PSPC1: variants seen among roughly 807,000 people sequenced by gnomAD.
PSPC1 encodes the protein paraspeckle protein 1.
In PSPC1, 14 loss-of-function variants were observed where a neutral mutation model predicts 51.6. The ratio of observed to expected loss-of-function variants is 0.27; its 90% CI spans 0.18 to 0.42. PSPC1 has a LOEUF of 0.42. Ranked by LOEUF, PSPC1 falls within the 10% of genes least tolerant of loss-of-function variation. The probability of loss-of-function intolerance (pLI) is 1.00; values close to 1 mark genes in which losing one functional copy is unlikely to be tolerated. For synonymous variants in PSPC1, 193 were observed against 231.9 expected, an observed-to-expected ratio of 0.83 and a Z score of 1.53; for missense variants, 406 against 701.1, an observed-to-expected ratio of 0.58 and a Z score of 4.75.
intron 4 of PSPC1, among the ~76,000 whole-genome samples, chr13:19,745,274 A>G (rs1479376352): frequency 3.3e-5 from 5 of 152,212 alleles, no homozygotes; most frequent in Non-Finnish European, 7.3e-5. Context: ...AGCAGAGATT[A>G]TGCCAACGCA....
intron 6 of PSPC1, among the ~76,000 whole-genome samples, chr13:19,695,876 G>A (rs1461280005): frequency 6.6e-6 from 1 of 151,654 alleles, no homozygotes; most frequent in Non-Finnish European, 1.5e-5. Flanking sequence ...GAAAAAGTCT[G>A]GTATCAACAT....
At chr13:19,772,610 C>T in intron 1 of PSPC1, 67 bp from the exon 2 acceptor site, 1 of 1,466,582 alleles carries the variant, frequency 6.8e-7, no homozygotes, top group Admixed American at 2.2e-5. Flanking sequence ...CAGTGTTTGG[C>T]TTCTAGGGAG....
At chr13:19,672,828 G>C (rs1274550328), downstream of PSPC1, 1 of 301,140 alleles carries the variant, frequency 3.3e-6, no homozygotes, top group Non-Finnish European at 6.6e-6. Flanking sequence ...AGCAGAGCGT[G>C]GTGGCTCACA....
intron 2 of PSPC1, among the ~76,000 whole-genome samples, chr13:19,767,731 G>A (rs1170791271): frequency 1.3e-5 from 2 of 151,906 alleles, no homozygotes; most frequent in African/African-American, 2.4e-5. Flanking sequence ...CGGTAACAAG[G>A]ATTTTTACGT....
chr13:19,750,483 C>A (rs545216198), intron 4 of PSPC1, among the ~76,000 whole-genome samples: 2 of 151,346 alleles, frequency 1.3e-5, no homozygotes, highest in African/African-American at 4.8e-5. Context: ...TATACACTTA[C>A]CAATTACTAA....
chr13:19,723,779 T>C (rs1883051659), intron 6 of PSPC1, among the ~76,000 whole-genome samples: 1 of 152,250 alleles, frequency 6.6e-6, no homozygotes, highest in South Asian at 2.1e-4. Context: ...TTATGTACCG[T>C]GCCAAATATT....
exon 8 of PSPC1, chr13:19,674,955 C>T (rs879714282): frequency 2.6e-5 from 4 of 152,112 alleles, no homozygotes; most frequent in Non-Finnish European, 4.4e-5. Flanking sequence ...CTTCCAGGTT[C>T]GGAAAAGCCT....
chr13:19,782,911 A>C lies in PSPC1; in HGVS notation c.-154T>G. The C allele has an allele frequency of 1.3e-6, 1 of 758,570 alleles. No individual in the cohort carries two copies. The highest frequency in any genetic ancestry group is 3.5e-5 in the Admixed American group (1 of 28,712). 47.0% of individuals were successfully genotyped at this position (758,570 alleles called of 1,614,324 possible). ...CGAGTCGGCAACCCGTCCTCCCCCA[A>C]CTCACGCCCGCTGCAGCTGCACATT... On this transcript the variant is annotated 5_prime_UTR_variant, in exon 1 of 9. Coordinates refer to ENST00000338910, the MANE Select transcript of PSPC1 (RefSeq NM_001354909.2). This position sits in a 1 kb window ranked among gnomAD's most constrained non-coding sequence, Gnocchi z 4.5.
At chr13:19,696,766 A>G (rs991386447) in intron 6 of PSPC1, among the ~76,000 whole-genome samples, 2 of 152,212 alleles carry the variant, frequency 1.3e-5, no homozygotes, top group Admixed American at 1.3e-4. Flanking sequence ...GCATGTCCAA[A>G]CATACCGATA....
intron 4 of PSPC1, among the ~76,000 whole-genome samples, chr13:19,746,241 C>G (rs1188689283): frequency 6.6e-6 from 1 of 151,448 alleles, no homozygotes; most frequent in Non-Finnish European, 1.5e-5. Context: ...ATCTCTACTA[C>G]TAATACAAAA....
intron 5 of PSPC1, among the ~76,000 whole-genome samples, chr13:19,738,831 CGG>C (rs1885124754): frequency 6.6e-6 from 1 of 150,576 alleles, no homozygotes; most frequent in South Asian, 2.1e-4. Flanking sequence ...GGCGTGAACT[CGG>C]AGGCGAAGCT....
intron 5 of PSPC1, among the ~76,000 whole-genome samples, chr13:19,740,933 G>A (rs573299397): frequency 6.0e-5 from 9 of 151,032 alleles, no homozygotes; most frequent in Non-Finnish European, 1.0e-4. Context: ...GGAGTGCAGT[G>A]GCAAGATCTC....
chr13:19,764,682 TAAAAAA>T (rs68143550), intron 2 of PSPC1, among the ~76,000 whole-genome samples: 26 of 78,280 alleles, frequency 3.3e-4, no homozygotes, highest in African/African-American at 8.2e-4. Context: ...GAACTTGCCT[TAAAAAA>T]AAAAAAAAAA....
intron 2 of PSPC1, 36 bp from the exon 3 acceptor site, chr13:19,759,454 C>T: frequency 7.0e-7 from 1 of 1,419,102 alleles, no homozygotes; most frequent in South Asian, 1.2e-5. Flanking sequence ...AAAATTAACA[C>T]AGTGCCAAGA....
intron 5 of PSPC1, among the ~76,000 whole-genome samples, chr13:19,739,932 G>A (rs1885262144): frequency 6.6e-6 from 1 of 151,644 alleles, no homozygotes; most frequent in Non-Finnish European, 1.5e-5. Context: ...GATTCCAGGT[G>A]GCTGGGCCTC....
chr13:19,705,877 T>G (rs1387396605), intron 7 of PSPC1, 46 bp from the exon 8 acceptor site: 1 of 1,465,964 alleles, frequency 6.8e-7, no homozygotes, highest in East Asian at 2.3e-5. Flanking sequence ...CTTAGTTTAG[T>G]AAACATTAAC....
At chr13:19,702,476 CA>C (rs1232447516), downstream of PSPC1, 1 of 151,804 alleles carries the variant, frequency 6.6e-6, no homozygotes, top group Non-Finnish European at 1.5e-5. Flanking sequence ...TTTTTATAAG[CA>C]AAAGAGATTT....
At position 19,764,734 on chromosome 13, in the gene PSPC1, A is replaced by G. The variant is rs554590067; in HGVS notation, c.675-5316T>C. On this transcript the variant is annotated intron_variant, in intron 2 of 8. Transcript: ENST00000338910. ...TAAAAGATAATGCAATATTTTGCAC[A>G]TGTAATTTCTTTTTTTTGAGACAGG... 1.9e-4 allele frequency among the ~76,000 whole-genome samples: 27 copies of G among 141,140 alleles called. No homozygotes were observed. In the East Asian group the frequency reaches 4.7e-3, roughly 24 times the overall value. 92.6% of individuals were successfully genotyped at this position (141,140 alleles called of 152,430 possible).
At chr13:19,715,946 G>A (rs1293494758) in intron 6 of PSPC1, among the ~76,000 whole-genome samples, 11 of 151,972 alleles carry the variant, frequency 7.2e-5, no homozygotes, top group Admixed American at 3.9e-4. Flanking sequence ...CCCGGGAGGC[G>A]GAGCTTGCAG....
Sources: gnomAD v4.1 joint callset for allele counts (sites outside exome capture counted in the v4.1 genomes callset) on GRCh38, gnomAD v4.1.1 for gene constraint, Gnocchi (gnomAD v3.1) non-coding constraint, MANE v1.5 for transcripts, NCBI Gene and HGNC (gene_info 2026-07-23, HGNC 2026-07-21) for gene names.